Variants in MYO3B observed in about 807,000 individuals in gnomAD.
The protein encoded by MYO3B is myosin-IIIb.
In MYO3B, 156 loss-of-function variants were observed where a neutral mutation model predicts 174.6. The ratio of observed to expected loss-of-function variants is 0.89; its 90% CI spans 0.78 to 1.02. MYO3B has a LOEUF of 1.02. MYO3B is among the 50% of genes least tolerant of loss of function. The pLI is 0.00. For synonymous variants in MYO3B, 563 were observed against 569.1 expected, an observed-to-expected ratio of 0.99 and a Z score of 0.15; for missense variants, 1,632 against 1,639.4, an observed-to-expected ratio of 1.00 and a Z score of 0.08.
At chr2:170,571,697 A>T (rs559379792) in intron 32 of MYO3B, among the ~76,000 whole-genome samples, 1 of 152,304 alleles carries the variant, frequency 6.6e-6, no homozygotes, top group Non-Finnish European at 1.5e-5. Flanking sequence ...CAAAGCAGTG[A>T]GATAGATGGG....
At chr2:170,325,769 G>C (rs2093862108) in intron 7 of MYO3B, among the ~76,000 whole-genome samples, 1 of 152,074 alleles carries the variant, frequency 6.6e-6, no homozygotes, top group Admixed American at 6.5e-5. Context: ...ACCTGTGGTG[G>C]TCCAGCCCAG....
chr2:170,355,992 C>T (rs573257989), intron 8 of MYO3B, among the ~76,000 whole-genome samples: 8 of 151,990 alleles, frequency 5.3e-5, no homozygotes, highest in African/African-American at 1.4e-4. Context: ...GATGGAGTCT[C>T]GCTGTGTCGC....
chr2:170,454,850 C>T (rs1490755565), intron 23 of MYO3B, among the ~76,000 whole-genome samples: 2 of 152,010 alleles, frequency 1.3e-5, no homozygotes, highest in African/African-American at 4.8e-5. Flanking sequence ...AATTTTTAAG[C>T]ATAATTCTGT....
chr2:170,639,419 T>TC (rs1223473359), intron 32 of MYO3B, among the ~76,000 whole-genome samples: 2 of 152,160 alleles, frequency 1.3e-5, no homozygotes, highest in African/African-American at 4.8e-5. Context: ...TGGATCAAGG[T>TC]TAGGGAACTG....
At chr2:170,506,501 A>G (rs1356933537) in intron 28 of MYO3B, among the ~76,000 whole-genome samples, 5 of 152,176 alleles carry the variant, frequency 3.3e-5, no homozygotes, top group Non-Finnish European at 7.3e-5. Flanking sequence ...CTTAACTACT[A>G]TTTGTTAAGC....
intron 23 of MYO3B, among the ~76,000 whole-genome samples, chr2:170,444,272 GA>G (rs2094824311): frequency 6.6e-6 from 1 of 152,110 alleles, no homozygotes; most frequent in Admixed American, 6.6e-5. Flanking sequence ...AATGCTACCT[GA>G]AAAAATAAAG....
At chr2:170,413,315 C>T (rs754974051) in intron 22 of MYO3B, among the ~76,000 whole-genome samples, 50 of 152,064 alleles carry the variant, frequency 3.3e-4, no homozygotes, top group Non-Finnish European at 5.4e-4. Context: ...AAGCCAGGGC[C>T]TACAGCACTG....
intron 8 of MYO3B, among the ~76,000 whole-genome samples, chr2:170,363,860 C>T (rs1431213205): frequency 1.3e-5 from 2 of 151,918 alleles, no homozygotes; most frequent in African/African-American, 4.8e-5. Flanking sequence ...TGTCTGTTAG[C>T]ACAGAGAAAG....
chr2:170,553,491 T>C (rs537507279), intron 32 of MYO3B, among the ~76,000 whole-genome samples: 14 of 152,348 alleles, frequency 9.2e-5, no homozygotes, highest in African/African-American at 3.4e-4. Flanking sequence ...AATTTCTTCC[T>C]TTTGGAATGG....
At chr2:170,619,737 CTTTTTTTTTTTT>C (rs71412032) in intron 32 of MYO3B, among the ~76,000 whole-genome samples, 3 of 50,778 alleles carry the variant, frequency 5.9e-5, no homozygotes, top group Non-Finnish European at 1.0e-4. Context: ...CTGCCATATT[CTTTTTTTTTTTT>C]TTTTTTTTTT....
Position 170,204,250 on chromosome 2 carries a change from G to C in MYO3B, c.321+3966G>C, listed in dbSNP as rs187093435. On this transcript the variant is annotated intron_variant, in intron 3 of 34. Coordinates refer to ENST00000408978, the MANE Select transcript of MYO3B (RefSeq NM_138995.5). The stretch of plus-strand genomic sequence containing the variant: ...GTGTCCAACATGATACTTCCTAAGG[G>C]ATTTTCTGAAGTAATTTTGACTGTC... Among the ~76,000 whole-genome samples the C allele has an allele frequency of 2.6e-5, 4 of 152,284 alleles. No homozygotes were observed. The East Asian group carries it at 7.7e-4, about 29-fold the overall frequency.
rs762412173 is a variant in MYO3B at position 170,596,804 on chromosome 2, C to T, written c.3733+52816C>T. On this transcript the variant is annotated intron_variant, in intron 32 of 34. Coordinates refer to ENST00000408978, the MANE Select transcript of MYO3B (RefSeq NM_138995.5). Reference sequence around the variant, plus strand: ...AGGTGAAAGAAGCCATTGTTCTTAACGCACATGGTCACCAGCCACAGGCCT... The same window carrying T: ...AGGTGAAAGAAGCCATTGTTCTTAATGCACATGGTCACCAGCCACAGGCCT... 5.3e-5 allele frequency among the ~76,000 whole-genome samples: 8 copies of T among 152,290 alleles called. No homozygotes were observed. In the South Asian group the frequency reaches 8.3e-4, roughly 16 times the overall value.
intron 1 of MYO3B, among the ~76,000 whole-genome samples, chr2:170,187,866 T>A (rs1184924720): frequency 1.3e-5 from 2 of 152,196 alleles, no homozygotes; most frequent in Non-Finnish European, 2.9e-5. Context: ...TTGAATTTTT[T>A]AAGACTAATT....
intron 7 of MYO3B, among the ~76,000 whole-genome samples, chr2:170,281,957 T>C (rs1487038747): frequency 1.3e-5 from 2 of 152,188 alleles, no homozygotes; most frequent in African/African-American, 2.4e-5. Context: ...CACTTTTTAA[T>C]GGAATTTTTT....
At chr2:170,400,594 G>A (rs542269339) in intron 17 of MYO3B, among the ~76,000 whole-genome samples, 13 of 151,718 alleles carry the variant, frequency 8.6e-5, no homozygotes, top group East Asian at 5.8e-4. Context: ...TAGTAGAGAC[G>A]GGGTTTCACC....
intron 32 of MYO3B, among the ~76,000 whole-genome samples, chr2:170,551,920 C>CT (rs397944422): frequency 6.6e-6 from 1 of 151,852 alleles, no homozygotes; most frequent in Non-Finnish European, 1.5e-5. Flanking sequence ...GCACTTCCCC[C>CT]TTCTCTCTCT....
At chr2:170,417,503 G>A (rs973188071) in intron 22 of MYO3B, among the ~76,000 whole-genome samples, 5 of 152,148 alleles carry the variant, frequency 3.3e-5, no homozygotes, top group African/African-American at 1.2e-4. Flanking sequence ...AGTATAATAG[G>A]GCTACCATGT....
chr2:170,459,014 G>A (rs12990635), intron 23 of MYO3B, among the ~76,000 whole-genome samples: 35,135 of 152,026 alleles, frequency 0.23, 4,928 homozygotes, highest in Non-Finnish European at 0.31. Flanking sequence ...CCTCCCGTCC[G>A]GAGTTGTTCA....
chr2:170,331,961 A>C (rs1160098885), intron 7 of MYO3B: 1 of 152,224 alleles, frequency 6.6e-6, no homozygotes, highest in Non-Finnish European at 1.5e-5. Flanking sequence ...AGTTGGGTCC[A>C]TCCAGGTAAT....
Sources: allele counts gnomAD v4.1 joint callset (sites outside exome capture counted in the v4.1 genomes callset), GRCh38; gene constraint gnomAD v4.1.1; transcripts MANE v1.5; gene names NCBI Gene and HGNC (gene_info 2026-07-23, HGNC 2026-07-21).